Variants in GGT5 observed in about 807,000 individuals in gnomAD.
GGT5 encodes glutathione hydrolase 5 proenzyme.
A neutral mutation model predicts 58.1 loss-of-function variants in GGT5; 50 were observed. The observed-to-expected ratio is 0.86, with a 90% CI of 0.69 to 1.09. GGT5 has a LOEUF of 1.09. GGT5 is among the 50% of genes least tolerant of loss of function. GGT5 has a pLI of 0.00. For missense variants in GGT5, 800 were observed against 789.4 expected, an observed-to-expected ratio of 1.01 and a Z score of -0.16; for synonymous variants, 370 against 346.1, an observed-to-expected ratio of 1.07 and a Z score of -0.77.
rs567946390 is a variant in GGT5 at position 24,238,295 on chromosome 22, C to T, written c.174-4291G>A. 2.7e-5 allele frequency among the ~76,000 whole-genome samples: 4 copies of T among 150,934 alleles called. No individual in the cohort carries two copies. The South Asian group carries it at 8.4e-4, about 32-fold the overall frequency. Reference sequence around the variant, plus strand: ...CTGTAATCTCAGCACTTTGGGAGGCCAAGGCAGGCAAATTGCTTGAGGTCA... The same window carrying T: ...CTGTAATCTCAGCACTTTGGGAGGCTAAGGCAGGCAAATTGCTTGAGGTCA... On this transcript the variant is annotated intron_variant, in intron 1 of 11. Transcript: ENST00000327365.
At position 24,219,746 on chromosome 22, in the gene GGT5, A is replaced by T. The variant is rs2047534096; in HGVS notation, c.*224T>A. 5 of 561,420 alleles carry T rather than the reference A, an allele frequency of 8.9e-6. No individual in the cohort carries two copies. Among genetic ancestry groups the T allele is most frequent in the Non-Finnish European group, 1.3e-5 (4 of 313,540 alleles). The allele number at this position is 561,420 out of a possible 1,614,324, so 34.8% of individuals were successfully genotyped here. A position where few individuals can be genotyped will look rare whatever the true frequency, so the allele number is the denominator to read the frequency against. ...CCCCAGGCAAGAGGCCTGCGGAGGG[A>T]TAGAGGGGCCGGTTCAGGACCACCA... On this transcript the variant is annotated 3_prime_UTR_variant, in exon 12 of 12. Transcript: ENST00000327365.
chr22:24,226,817 G>A, intron 6 of GGT5, 50 bp from the exon 7 acceptor site: 2 of 1,533,364 alleles, frequency 1.3e-6, no homozygotes, highest in Non-Finnish European at 1.8e-6. Context: ...TATGTAATGG[G>A]TTGAATGTTG....
intron 1 of GGT5, among the ~76,000 whole-genome samples, chr22:24,237,898 TA>T (rs1303264741): frequency 1.3e-5 from 2 of 152,082 alleles, no homozygotes; most frequent in Non-Finnish European, 2.9e-5. Flanking sequence ...TTCAAGGATA[TA>T]AAGAAATAAG....
intron 1 of GGT5, among the ~76,000 whole-genome samples, chr22:24,238,827 ATATAT>A (rs1472328425): frequency 2.3e-3 from 26 of 11,074 alleles, no homozygotes; most frequent in African/African-American, 1.0e-2. Flanking sequence ...ATATATATAT[ATATAT>A]TTATATATAT....
In GGT5 at chr22:24,232,890, C is replaced by A; in HGVS notation, c.529G>T (p.Ala177Ser). ...IALLRGGHVV[A>S]PVLSRFLHNS... ...TGCAGGAAACGGCTGAGGACAGGGG[C>A]CACCACATGCCCCCCTCGGAGCAGC... is the stretch of plus-strand genomic sequence containing the variant. The change falls in exon 4 of 12, where the codon GCC becomes TCC. Residue 177 changes from alanine to serine, a missense_variant. Coordinates refer to ENST00000327365, the MANE Select transcript of GGT5 (RefSeq NM_004121.5). The A allele has an allele frequency of 1.3e-6, 2 of 1,584,618 alleles. No homozygotes were observed. Among genetic ancestry groups the A allele is most frequent in the Admixed American group, 1.8e-5 (1 of 56,160 alleles).
chr22:24,220,228 A>T, intron 11 of GGT5, 112 bp from the exon 12 acceptor site: 1 of 1,021,498 alleles, frequency 9.8e-7, no homozygotes, highest in East Asian at 2.6e-5. Context: ...ACGGAGAGGA[A>T]GAGGGCCTGA....
At chr22:24,224,486 C>G (rs1248733837) in intron 11 of GGT5, among the ~76,000 whole-genome samples, 1 of 151,632 alleles carries the variant, frequency 6.6e-6, no homozygotes, top group Non-Finnish European at 1.5e-5. Context: ...ACACTGCACT[C>G]CAGCCTGGGC....
chr22:24,221,531 G>A (rs1341705244), intron 11 of GGT5, among the ~76,000 whole-genome samples: 1 of 152,198 alleles, frequency 6.6e-6, no homozygotes, highest in Non-Finnish European at 1.5e-5. Context: ...GTCTGTTTCT[G>A]AGATGGAGTC....
chr22:24,232,221 G>A lies in GGT5; in HGVS notation c.597-13C>T. The A allele has an allele frequency of 7.1e-7, 1 of 1,411,916 alleles. No homozygotes were observed. Among genetic ancestry groups the A allele is most frequent in the Non-Finnish European group, 9.6e-7 (1 of 1,045,706 alleles). The allele number at this position is 1,411,916 out of a possible 1,614,324, so 87.5% of individuals were successfully genotyped here. Reference sequence around the variant, plus strand: ...GAAGAAGAGCTGGCTGGGGGGTGGGGGGAGCCTCAGGGTGGGGCCAGGTCC... The same window carrying A: ...GAAGAAGAGCTGGCTGGGGGGTGGGAGGAGCCTCAGGGTGGGGCCAGGTCC... On this transcript the variant is annotated splice_polypyrimidine_tract_variant and intron_variant, in intron 4 of 11. Transcript: ENST00000327365.
Position 24,219,899 on chromosome 22 carries a change from C to A in GGT5, c.*71G>T, listed in dbSNP as rs1462452968. On this transcript the variant is annotated 3_prime_UTR_variant, in exon 12 of 12. Transcript: ENST00000327365. ...CCAGATCCTGCCAGAGTAGTTGGTC[C>A]CCCAGCCATGTCCGGCCTGGACACA... 6 of 1,494,186 alleles carry A rather than the reference C, an allele frequency of 4.0e-6. No homozygotes were observed. The highest frequency in any genetic ancestry group is 4.6e-6 in the Non-Finnish European group (5 of 1,081,632). The allele number at this position is 1,494,186 out of a possible 1,614,324, so 92.6% of individuals were successfully genotyped here. A position where few individuals can be genotyped will look rare whatever the true frequency, so the allele number is the denominator to read the frequency against.
At chr22:24,220,587 AAAAAAT>A (rs1273316247) in intron 11 of GGT5, 1 of 453,960 alleles carries the variant, frequency 2.2e-6, no homozygotes, top group Non-Finnish European at 4.4e-6. Context: ...TCCTGTTTCT[AAAAAAT>A]AAAAAATAAG....
In GGT5 at chr22:24,232,101, A is replaced by G. The variant is rs777305237; in HGVS notation, c.704T>C (p.Phe235Ser). ...ETVATEGVEVFYTGRLGQMLV... is the reference protein window; with the variant it reads ...ETVATEGVEVSYTGRLGQMLV... ...CATCTGGCCCAGCCTCCCCGTGTAGAAGACCTCCACGCCCTCTGTGGCCAC... is the reference window on the plus strand; with the variant it reads ...CATCTGGCCCAGCCTCCCCGTGTAGGAGACCTCCACGCCCTCTGTGGCCAC... Residue 235 changes from phenylalanine to serine, a missense_variant, in exon 5 of 12, where the codon TTC becomes TCC. Phe to Ser is a radical substitution (Grantham distance 155). Coordinates refer to ENST00000327365, the MANE Select transcript of GGT5 (RefSeq NM_004121.5). The G allele has an allele frequency of 6.8e-6, 11 of 1,612,798 alleles. No homozygotes were observed. Among genetic ancestry groups the G allele is most frequent in the Non-Finnish European group, 9.3e-6 (11 of 1,179,238 alleles).
chr22:24,240,667 C>G (rs1303792899), intron 1 of GGT5, among the ~76,000 whole-genome samples: 2 of 152,032 alleles, frequency 1.3e-5, no homozygotes, highest in African/African-American at 4.8e-5. Flanking sequence ...CCACACCCAG[C>G]TAATTTTTGT....
At chr22:24,231,999 A>T (rs1251780987) in intron 5 of GGT5, 52 bp downstream of exon 5, 2 of 1,515,404 alleles carry the variant, frequency 1.3e-6, no homozygotes, top group African/African-American at 2.7e-5. Flanking sequence ...AGTGCCCAGA[A>T]CTTGGCTCTT....
intron 1 of GGT5, 25 bp downstream of exon 1, chr22:24,244,528 C>T: frequency 6.2e-7 from 1 of 1,602,924 alleles, no homozygotes; most frequent in Non-Finnish European, 8.5e-7. Context: ...AAGGGCCACC[C>T]AGCTTCCTCC....
chr22:24,234,824 G>T (rs988970787), intron 1 of GGT5, among the ~76,000 whole-genome samples: 3 of 149,210 alleles, frequency 2.0e-5, no homozygotes, highest in Admixed American at 1.3e-4. Context: ...CCTCAAAAAA[G>T]AAAAAAAAAG....
chr22:24,232,962 G>T lies in GGT5; in HGVS notation c.457C>A (p.Arg153Ser). 1 of 1,563,682 alleles carries T rather than the reference G, an allele frequency of 6.4e-7. No individual in the cohort carries two copies. The highest frequency in any genetic ancestry group is 2.4e-5 in the East Asian group (1 of 42,042). ...ELRGYAEAHR[R>S]HGRLPWAQLF... ...TGCGCCCAGGGCAGGCGGCCATGGC[G>T]GCGGTGGGCCTCGGCATAGCCACGG... Residue 153 changes from arginine to serine, a missense_variant, in exon 4 of 12, where the codon CGC becomes AGC. Physicochemically the swap from Arg to Ser is moderately radical, Grantham distance 110. Coordinates refer to ENST00000327365, the MANE Select transcript of GGT5 (RefSeq NM_004121.5).
At chr22:24,228,541 C>T (rs572304116) in intron 6 of GGT5, among the ~76,000 whole-genome samples, 2 of 151,720 alleles carry the variant, frequency 1.3e-5, no homozygotes, top group South Asian at 2.1e-4. Flanking sequence ...AGCTCTGTCT[C>T]CTGGGTTCAC....
intron 6 of GGT5, among the ~76,000 whole-genome samples, chr22:24,228,447 A>C (rs74278300): frequency 1.7e-5 from 2 of 118,602 alleles, no homozygotes; most frequent in East Asian, 4.5e-4. Context: ...TGATCATTTC[A>C]AAACAGTTTT....
Sources: allele counts gnomAD v4.1 joint callset (sites outside exome capture counted in the v4.1 genomes callset), GRCh38; gene constraint gnomAD v4.1.1; transcripts MANE v1.5; gene names NCBI Gene and HGNC (gene_info 2026-07-23, HGNC 2026-07-21).